CERS6: variants seen among roughly 807,000 people sequenced by gnomAD.
The protein encoded by CERS6 is LAG1 homolog, ceramide synthase 6.
Under a neutral mutation model 56.8 loss-of-function variants are expected in CERS6, and 26 were observed. The observed-to-expected ratio is 0.46, with a 90% CI of 0.34 to 0.63. The LOEUF is 0.63. Ranked by LOEUF, CERS6 falls within the 30% of genes least tolerant of loss-of-function variation. The probability of loss-of-function intolerance (pLI) is 0.01; values close to 1 mark genes in which losing one functional copy is unlikely to be tolerated. For missense variants in CERS6, 415 were observed against 467.5 expected, an observed-to-expected ratio of 0.89 and a Z score of 1.04; for synonymous variants, 164 against 173.3, an observed-to-expected ratio of 0.95 and a Z score of 0.42.
intron 8 of CERS6, among the ~76,000 whole-genome samples, chr2:168,728,528 TA>T (rs1274635930): frequency 1.3e-5 from 2 of 151,238 alleles, no homozygotes; most frequent in African/African-American, 4.9e-5. Flanking sequence ...TAGCTGGGAT[TA>T]AAAGCACCCA....
chr2:168,742,104 T>C (rs186723982), intron 8 of CERS6, among the ~76,000 whole-genome samples: 126 of 152,334 alleles, frequency 8.3e-4, no homozygotes, highest in Non-Finnish European at 1.1e-3. Context: ...ATTTCATTGG[T>C]GTTGCAGTTT....
chr2:168,561,860 A>G (rs1695796152), intron 3 of CERS6, among the ~76,000 whole-genome samples: 1 of 152,214 alleles, frequency 6.6e-6, no homozygotes, highest in South Asian at 2.1e-4. Flanking sequence ...TATATAGTGT[A>G]TAAATTATAT....
chr2:168,697,223 A>G (rs1272188135), intron 6 of CERS6, among the ~76,000 whole-genome samples: 11 of 152,198 alleles, frequency 7.2e-5, no homozygotes, highest in Admixed American at 3.9e-4. Flanking sequence ...TCTCAGAAGT[A>G]GGTGGTCCCT....
intron 6 of CERS6, among the ~76,000 whole-genome samples, chr2:168,708,334 A>G (rs1346962747): frequency 6.6e-6 from 1 of 152,210 alleles, no homozygotes; most frequent in Non-Finnish European, 1.5e-5. Context: ...ATGCCAAGGC[A>G]GAAAAATCAC....
At chr2:168,721,428 C>G (rs1244110716) in intron 8 of CERS6, among the ~76,000 whole-genome samples, 3 of 151,878 alleles carry the variant, frequency 2.0e-5, no homozygotes, top group Non-Finnish European at 4.4e-5. Context: ...TGTATACAAG[C>G]TGTTGTGTGA....
At chr2:168,755,407 A>C (rs1684387441) in intron 8 of CERS6, among the ~76,000 whole-genome samples, 2 of 152,314 alleles carry the variant, frequency 1.3e-5, no homozygotes, top group South Asian at 2.1e-4. Context: ...TCCTCATTTT[A>C]AATCTCCATG....
chr2:168,628,222 C>T (rs1421372119), intron 3 of CERS6, among the ~76,000 whole-genome samples: 1 of 152,164 alleles, frequency 6.6e-6, no homozygotes. Context: ...TAGACCCATG[C>T]TGCCACTGAG....
chr2:168,713,367 G>GA lies in CERS6; in HGVS notation c.610-1633dup, dbSNP rs1238203783. On this transcript the variant is annotated intron_variant, in intron 6 of 9. Transcript: ENST00000305747. ...CTAGATGAAGAGTCTATGGGGAATA[G>GA]ACCTCTTCCTCCAGAGGCTTCAAAT... Among the ~76,000 whole-genome samples, 12 of 152,248 alleles carry GA rather than the reference G, an allele frequency of 7.9e-5. No individual in the cohort carries two copies. The South Asian group carries it at 1.5e-3, about 18-fold the overall frequency.
At chr2:168,669,771 G>A (rs1337159426) in intron 4 of CERS6, among the ~76,000 whole-genome samples, 2 of 152,072 alleles carry the variant, frequency 1.3e-5, no homozygotes, top group Non-Finnish European at 2.9e-5. Flanking sequence ...TTATATACTC[G>A]CAGGTTACTC....
At chr2:168,479,404 A>G (rs1214075275) in intron 1 of CERS6, among the ~76,000 whole-genome samples, 1 of 152,228 alleles carries the variant, frequency 6.6e-6, no homozygotes, top group Non-Finnish European at 1.5e-5. Flanking sequence ...TGTTTAAATT[A>G]CAGACTTTAT....
intron 4 of CERS6, among the ~76,000 whole-genome samples, chr2:168,649,926 A>G (rs539063065): frequency 1.4e-4 from 21 of 152,274 alleles, no homozygotes; most frequent in East Asian, 3.9e-4. Flanking sequence ...CTGGATATCA[A>G]TACTCTATAA....
chr2:168,548,552 T>C (rs1039083526), intron 2 of CERS6, among the ~76,000 whole-genome samples: 2 of 152,214 alleles, frequency 1.3e-5, no homozygotes, highest in East Asian at 1.9e-4. Flanking sequence ...AAGTATTGTG[T>C]GTTCATATAT....
At chr2:168,459,099 A>G (rs1206550235) in intron 1 of CERS6, among the ~76,000 whole-genome samples, 2 of 152,244 alleles carry the variant, frequency 1.3e-5, no homozygotes, top group Non-Finnish European at 2.9e-5. Flanking sequence ...CCCTTTGTAG[A>G]ATGAAATGCT....
chr2:168,478,931 T>C (rs1694127184), intron 1 of CERS6, among the ~76,000 whole-genome samples: 1 of 152,252 alleles, frequency 6.6e-6, no homozygotes, highest in African/African-American at 2.4e-5. Flanking sequence ...ATTATGTTTT[T>C]TGTTAAATTT....
intron 8 of CERS6, among the ~76,000 whole-genome samples, chr2:168,719,138 T>C (rs971263674): frequency 2.0e-5 from 3 of 152,200 alleles, no homozygotes; most frequent in African/African-American, 7.2e-5. Flanking sequence ...TTACCAGCAC[T>C]GAGATGGTAC....
chr2:168,731,986 T>C (rs1364626666), intron 8 of CERS6, among the ~76,000 whole-genome samples: 1 of 152,192 alleles, frequency 6.6e-6, no homozygotes, highest in Non-Finnish European at 1.5e-5. Flanking sequence ...GTCTACAATA[T>C]ATCGGAGAAA....
rs1349536792 is a variant in CERS6, at chr2:168,740,229, A to G, written c.845+22251A>G. 2.6e-5 allele frequency among the ~76,000 whole-genome samples: 4 copies of G among 152,330 alleles called. No individual in the cohort carries two copies. In the East Asian group the frequency reaches 5.8e-4, roughly 22 times the overall value. ...ACAAAGTTGTTACACAGCAGGTGAA[A>G]ATATTCACCAAGCACAATATGAAGA... On this transcript the variant is annotated intron_variant, in intron 8 of 9. Coordinates refer to ENST00000305747, the MANE Select transcript of CERS6 (RefSeq NM_203463.3).
intron 3 of CERS6, among the ~76,000 whole-genome samples, chr2:168,575,219 G>A (rs1036093812): frequency 9.2e-5 from 14 of 152,122 alleles, no homozygotes; most frequent in Non-Finnish European, 1.9e-4. Context: ...AAAACACATA[G>A]AGCACTGGTG....
Position 168,722,116 on chromosome 2 carries a change from C to A in CERS6, c.845+4138C>A, listed in dbSNP as rs376929832. Among the ~76,000 whole-genome samples, 74 of 152,102 alleles carry A rather than the reference C, an allele frequency of 4.9e-4. 1 individual carries two copies. The South Asian group carries it at 0.015, about 31-fold the overall frequency. On this transcript the variant is annotated intron_variant, in intron 8 of 9. Transcript: ENST00000305747. ...ACCCATTTGTAATTTGGTTATTTGT[C>A]TTTTTATTGTTGTAAAAGTTTATGC...
Sources: gnomAD v4.1 joint callset for allele counts (sites outside exome capture counted in the v4.1 genomes callset) on GRCh38, gnomAD v4.1.1 for gene constraint, MANE v1.5 for transcripts, NCBI Gene and HGNC (gene_info 2026-07-23, HGNC 2026-07-21) for gene names.